Variants in IMMP2L observed in about 807,000 individuals in gnomAD.
IMMP2L encodes the protein mitochondrial inner membrane protease subunit 2.
A neutral mutation model predicts 19.3 loss-of-function variants in IMMP2L; 18 were observed. That is an observed-to-expected ratio of 0.93 (90% confidence interval 0.64 to 1.38). The LOEUF (loss-of-function observed/expected upper bound fraction) is 1.38, where lower values mean the gene tolerates loss of function less well. Among genes scored for constraint, IMMP2L ranks in the 40% most tolerant of loss-of-function variants. IMMP2L has a pLI of 0.00. For missense variants in IMMP2L, 233 were observed against 218.2 expected, an observed-to-expected ratio of 1.07 and a Z score of -0.43; for synonymous variants, 76 against 73.0, an observed-to-expected ratio of 1.04 and a Z score of -0.21.
At chr7:110,888,237 T>A (rs566666322) in intron 4 of IMMP2L, among the ~76,000 whole-genome samples, 159 of 152,330 alleles carry the variant, frequency 1.0e-3, no homozygotes, top group African/African-American at 3.6e-3. Flanking sequence ...TACTCTGTAA[T>A]ATAAGTGTTC....
intron 3 of IMMP2L, among the ~76,000 whole-genome samples, chr7:111,118,795 T>C (rs1019610948): frequency 7.9e-5 from 12 of 152,148 alleles, no homozygotes; most frequent in Non-Finnish European, 1.6e-4. Flanking sequence ...TAAATTTCTA[T>C]ATTCTCTATT....
At chr7:111,280,886 G>A (rs1227283276) in intron 3 of IMMP2L, among the ~76,000 whole-genome samples, 4 of 151,896 alleles carry the variant, frequency 2.6e-5, no homozygotes, top group Non-Finnish European at 2.9e-5. Context: ...TGTCTAACAC[G>A]GTGAAACCCT....
At chr7:111,343,263 TC>T (rs1827205220) in intron 3 of IMMP2L, among the ~76,000 whole-genome samples, 2 of 152,074 alleles carry the variant, frequency 1.3e-5, no homozygotes, top group African/African-American at 4.8e-5. Context: ...ATATCTAAGT[TC>T]TTAAAATGGC....
intron 5 of IMMP2L, among the ~76,000 whole-genome samples, chr7:110,681,301 T>C (rs1316523993): frequency 1.3e-5 from 2 of 152,142 alleles, no homozygotes; most frequent in Non-Finnish European, 2.9e-5. Context: ...AAATGAGGTA[T>C]AGAACCCTAG....
intron 5 of IMMP2L, among the ~76,000 whole-genome samples, chr7:110,751,517 G>GA (rs1797719456): frequency 1.3e-5 from 2 of 151,894 alleles, no homozygotes; most frequent in South Asian, 2.1e-4. Context: ...GCACTAAAGA[G>GA]AAAAAAAGAA....
chr7:111,458,035 A>G (rs1205236699), intron 3 of IMMP2L, among the ~76,000 whole-genome samples: 3 of 151,986 alleles, frequency 2.0e-5, no homozygotes, highest in Admixed American at 6.6e-5. Flanking sequence ...TACTCTATCG[A>G]GTCTTTAATT....
At chr7:111,469,880 T>C (rs1841059492) in intron 3 of IMMP2L, among the ~76,000 whole-genome samples, 2 of 152,148 alleles carry the variant, frequency 1.3e-5, no homozygotes, top group South Asian at 4.2e-4. Flanking sequence ...AAATGGGATC[T>C]AATTAAACTA....
chr7:110,691,644 G>A (rs1793513249), intron 5 of IMMP2L, among the ~76,000 whole-genome samples: 1 of 151,880 alleles, frequency 6.6e-6, no homozygotes, highest in Non-Finnish European at 1.5e-5. Context: ...CCAAAAAGTG[G>A]GCAAAGGACA....
At chr7:111,450,946 A>G (rs1275949002) in intron 3 of IMMP2L, among the ~76,000 whole-genome samples, 6 of 151,746 alleles carry the variant, frequency 4.0e-5, no homozygotes, top group African/African-American at 1.2e-4. Context: ...GCAGCCAAAA[A>G]ACACATGAAA....
intron 1 of IMMP2L, among the ~76,000 whole-genome samples, chr7:111,548,051 G>A (rs1445370981): frequency 3.9e-5 from 6 of 151,988 alleles, no homozygotes; most frequent in African/African-American, 1.4e-4. Context: ...GACATTAAAT[G>A]TCCAGAAAGA....
chr7:110,736,094 G>A (rs1046520385), intron 5 of IMMP2L, among the ~76,000 whole-genome samples: 3 of 152,072 alleles, frequency 2.0e-5, no homozygotes, highest in African/African-American at 7.2e-5. Context: ...ACCAGCTGTG[G>A]CTCAAGTAGG....
At position 111,304,670 on chromosome 7, in the gene IMMP2L, A is replaced by ATGTGTGTGTGTGTGTGTG. The variant is rs147788856; in HGVS notation, c.239+182550_239+182567dup. On this transcript the variant is annotated intron_variant, in intron 3 of 5. Transcript: ENST00000405709. ...GGGTGTTTATACATACACATATATA[A>ATGTGTGTGTGTGTGTGTG]TGTGTGTGTGTGTGTGTGTGTGTGT... is the stretch of plus-strand genomic sequence containing the variant. 4.0e-5 allele frequency among the ~76,000 whole-genome samples: 5 copies of ATGTGTGTGTGTGTGTGTG among 126,056 alleles called. No homozygotes were observed. In the East Asian group the frequency reaches 7.5e-4, roughly 19 times the overall value. The allele number at this position is 126,056 out of a possible 152,430, so 82.7% of individuals were successfully genotyped here.
chr7:111,088,601 T>C (rs1796556071), intron 3 of IMMP2L, among the ~76,000 whole-genome samples: 2 of 152,202 alleles, frequency 1.3e-5, no homozygotes. Context: ...TGAGGGGCTC[T>C]ATCCTGGCTT....
chr7:110,865,198 C>G (rs1244908533), intron 5 of IMMP2L, among the ~76,000 whole-genome samples: 2 of 151,966 alleles, frequency 1.3e-5, no homozygotes, highest in Admixed American at 1.3e-4. Flanking sequence ...CACACTGTAA[C>G]TATGCTTATT....
In IMMP2L at chr7:111,231,849, G is replaced by A. The variant is rs540747891; in HGVS notation, c.239+255389C>T. ...AACACTCTTCTGAGATTTTCTCAGG[G>A]AATATCATATGATACAACTGTCAAG... On this transcript the variant is annotated intron_variant, in intron 3 of 5. Coordinates refer to ENST00000405709, the MANE Select transcript of IMMP2L (RefSeq NM_032549.4). Among the ~76,000 whole-genome samples, 14 of 151,928 alleles carry A rather than the reference G, an allele frequency of 9.2e-5. 1 individual carries two copies. The South Asian group carries it at 2.9e-3, about 32-fold the overall frequency.
chr7:111,090,083 G>T (rs1187633547), intron 3 of IMMP2L, among the ~76,000 whole-genome samples: 1 of 151,904 alleles, frequency 6.6e-6, no homozygotes. Context: ...TAATCCTCAT[G>T]TTCCATTCTC....
At chr7:111,331,490 A>G (rs73203007) in intron 3 of IMMP2L, among the ~76,000 whole-genome samples, 10 of 151,956 alleles carry the variant, frequency 6.6e-5, no homozygotes, top group Non-Finnish European at 1.3e-4. Flanking sequence ...TTTTAGTTCT[A>G]TTGCACAGCA....
chr7:111,300,450 G>T (rs1252532943), intron 3 of IMMP2L, among the ~76,000 whole-genome samples: 1 of 152,032 alleles, frequency 6.6e-6, no homozygotes. Flanking sequence ...AATACATAGA[G>T]ATCCCATGTA....
chr7:111,505,183 CAAAAG>C, intron 2 of IMMP2L, among the ~76,000 whole-genome samples: 1 of 151,876 alleles, frequency 6.6e-6, no homozygotes, highest in East Asian at 1.9e-4. Flanking sequence ...AGACACTTCT[CAAAAG>C]AAGACATTTA....
Sources: gnomAD v4.1 joint callset for allele counts (sites outside exome capture counted in the v4.1 genomes callset) on GRCh38, gnomAD v4.1.1 for gene constraint, MANE v1.5 for transcripts, NCBI Gene and HGNC (gene_info 2026-07-23, HGNC 2026-07-21) for gene names.